ZNF808: variants seen among roughly 807,000 people sequenced by gnomAD.
The protein encoded by ZNF808 is zinc finger protein 808.
In ZNF808, 5 loss-of-function variants were observed where a neutral mutation model predicts 8.7. That is an observed-to-expected ratio of 0.58 (90% CI 0.30 to 1.21). ZNF808 has a LOEUF of 1.21. ZNF808 is among the 50% of genes most tolerant of loss of function. ZNF808 has a pLI of 0.07. For missense variants in ZNF808, 1,103 were observed against 1,098.4 expected, an observed-to-expected ratio of 1.00 and a Z score of -0.06; for synonymous variants, 380 against 366.0, an observed-to-expected ratio of 1.04 and a Z score of -0.44.
chr19:52,548,120 T>G (rs1275277433), intron 4 of ZNF808, among the ~76,000 whole-genome samples: 3 of 152,176 alleles, frequency 2.0e-5, no homozygotes, highest in African/African-American at 7.2e-5. Flanking sequence ...AATGATCATC[T>G]TCTCTAAGCA....
downstream of ZNF808, among the ~76,000 whole-genome samples, chr19:52,565,823 A>G (rs1242215040): frequency 6.6e-6 from 1 of 152,134 alleles, no homozygotes; most frequent in African/African-American, 2.4e-5. Flanking sequence ...GGTGTATCTT[A>G]TATGTATTGA....
chr19:52,535,524 T>C (rs62117198), intron 2 of ZNF808, among the ~76,000 whole-genome samples: 33,254 of 151,716 alleles, frequency 0.22, 4,137 homozygotes, highest in East Asian at 0.49. Context: ...ATCCCTGCTG[T>C]GTTTAGGCAG....
At chr19:52,541,100 C>A (rs921831281) in intron 2 of ZNF808, among the ~76,000 whole-genome samples, 9 of 151,914 alleles carry the variant, frequency 5.9e-5, no homozygotes, top group African/African-American at 1.9e-4. Flanking sequence ...TACAGGCCCC[C>A]GCCACCACGC....
At chr19:52,559,160 G>C (rs1383613107), downstream of ZNF808, among the ~76,000 whole-genome samples, 1 of 151,952 alleles carries the variant, frequency 6.6e-6, no homozygotes, top group Non-Finnish European at 1.5e-5. Context: ...AGGCCTCTTT[G>C]CAGTTGAGGT....
At chr19:52,559,324 G>T (rs916803333), downstream of ZNF808, among the ~76,000 whole-genome samples, 1 of 152,184 alleles carries the variant, frequency 6.6e-6, no homozygotes, top group South Asian at 2.1e-4. Flanking sequence ...AAGGCATTGA[G>T]ATGTTTATGT....
At chr19:52,535,299 C>G (rs1384744687) in intron 2 of ZNF808, among the ~76,000 whole-genome samples, 1 of 143,648 alleles carries the variant, frequency 7.0e-6, no homozygotes, top group Non-Finnish European at 1.5e-5. Flanking sequence ...CCACTGCACT[C>G]CAGCCTGGGT....
intron 2 of ZNF808, among the ~76,000 whole-genome samples, chr19:52,541,196 C>T (rs565562415): frequency 1.1e-4 from 16 of 150,874 alleles, no homozygotes; most frequent in Admixed American, 7.9e-4. Context: ...GTGATCTGCC[C>T]GCCTCAGCCT....
In ZNF808 at chr19:52,543,320, A is replaced by G; in HGVS notation, c.36A>G (p.Gly12=). The G allele has an allele frequency of 6.2e-7, 1 of 1,613,666 alleles. No individual in the cohort carries two copies. Among genetic ancestry groups the G allele is most frequent in the Non-Finnish European group, 8.5e-7 (1 of 1,179,810 alleles). Residue 12 remains glycine (G), a synonymous_variant, in exon 3 of 5, where the codon GGA becomes GGG. Coordinates refer to ENST00000359798, the MANE Select transcript of ZNF808 (RefSeq NM_001039886.4). Reference sequence around the variant, plus strand: ...AGGAAGCAGCTCAGAAGAGGAAAGGAAAGGAGTCAGGCATGGCTCTTCCTC... The same window carrying G: ...AGGAAGCAGCTCAGAAGAGGAAAGGGAAGGAGTCAGGCATGGCTCTTCCTC... ...LREEAAQKRK[G]KESGMALPQG...
Position 52,554,533 on chromosome 19 carries a change from C to G in ZNF808, c.1617C>G (p.Tyr539Ter). ...GACTTCACACTCTAGAGAAATCTTA[C>G]AAATGTACGGTTTGTAACAAGGTTT... ...HRRLHTLEKS[Y>*]KCTVCNKVFM... The change falls in exon 5 of 5, where the codon TAC (tyrosine) becomes TAG (stop). Residue 539 changes from tyrosine (Y) to a stop codon, truncating the protein, a stop_gained. Transcript: ENST00000359798. LOFTEE classifies it low-confidence loss of function (END_TRUNC). 1.9e-6 allele frequency: 3 copies of G among 1,614,106 alleles called. No homozygotes were observed. Among genetic ancestry groups the G allele is most frequent in the Non-Finnish European group, 8.5e-7 (1 of 1,179,996 alleles).
chr19:52,554,034 G>A lies in ZNF808; in HGVS notation c.1118G>A (p.Cys373Tyr), dbSNP rs1354713062. Residue 373 changes from cysteine to tyrosine, a missense_variant, in exon 5 of 5, where the codon TGT (cysteine) becomes TAT (tyrosine). Cys to Tyr is a radical substitution (Grantham distance 194). Coordinates refer to ENST00000359798, the MANE Select transcript of ZNF808 (RefSeq NM_001039886.4). Reference protein sequence around the residue: ...RLHTGVKPYKCKICEKAFACH... With the variant: ...RLHTGVKPYKYKICEKAFACH... ...CATACTGGAGTGAAACCTTACAAATGTAAGATTTGTGAGAAGGCTTTTGCG... is the reference window on the plus strand; with the variant it reads ...CATACTGGAGTGAAACCTTACAAATATAAGATTTGTGAGAAGGCTTTTGCG... The A allele has an allele frequency of 1.9e-6, 3 of 1,614,100 alleles. No individual in the cohort carries two copies. The highest frequency in any genetic ancestry group is 2.5e-6 in the Non-Finnish European group (3 of 1,180,012).
Position 52,554,052 on chromosome 19 carries a change from C to G in ZNF808, c.1136C>G (p.Ala379Gly). Residue 379 changes from alanine to glycine, a missense_variant, in exon 5 of 5, where the codon GCT (alanine) becomes GGT (glycine). Physicochemically the swap from Ala to Gly is moderately conservative, Grantham distance 60 (BLOSUM62 0). Coordinates refer to ENST00000359798, the MANE Select transcript of ZNF808 (RefSeq NM_001039886.4). The stretch of plus-strand genomic sequence containing the variant: ...TACAAATGTAAGATTTGTGAGAAGG[C>G]TTTTGCGTGTCATTCCTATCTGGCA... ...KPYKCKICEKAFACHSYLANH... is the reference protein window; with the variant it reads ...KPYKCKICEKGFACHSYLANH... The G allele has an allele frequency of 1.2e-6, 2 of 1,614,042 alleles. No individual in the cohort carries two copies. Among genetic ancestry groups the G allele is most frequent in the Non-Finnish European group, 1.7e-6 (2 of 1,179,990 alleles).
intron 3 of ZNF808, among the ~76,000 whole-genome samples, chr19:52,547,197 C>T (rs2059730515): frequency 2.0e-5 from 3 of 152,108 alleles, no homozygotes; most frequent in South Asian, 4.1e-4. Context: ...ATCTGCCCAA[C>T]TTGGCCTCCT....
At chr19:52,565,677 C>G (rs559444518), downstream of ZNF808, among the ~76,000 whole-genome samples, 1 of 152,266 alleles carries the variant, frequency 6.6e-6, no homozygotes, top group Non-Finnish European at 1.5e-5. Context: ...GTGACTATTC[C>G]TCCACCCTCT....
chr19:52,533,855 AAAAAAAAAAAAAG>A (rs2059582275), intron 2 of ZNF808, among the ~76,000 whole-genome samples: 1 of 150,990 alleles, frequency 6.6e-6, no homozygotes, highest in African/African-American at 2.4e-5. Context: ...AAAAAAAAAA[AAAAAAAAAAAAAG>A]GCAAGCAACA....
chr19:52,545,618 A>T (rs1286070137), intron 3 of ZNF808, among the ~76,000 whole-genome samples: 1 of 152,072 alleles, frequency 6.6e-6, no homozygotes, highest in Non-Finnish European at 1.5e-5. Flanking sequence ...TCGCTGCTAA[A>T]TATACAAAAA....
At chr19:52,558,017 CTTTTTTT>C (rs66789100), downstream of ZNF808, among the ~76,000 whole-genome samples, 5 of 46,384 alleles carry the variant, frequency 1.1e-4, no homozygotes, top group Admixed American at 3.2e-4. Flanking sequence ...CTAGGTGTGG[CTTTTTTT>C]TTTTTTTTTT....
chr19:52,562,567 TTA>T (rs1568495421), intron 3 of ZNF808, among the ~76,000 whole-genome samples: 2 of 152,156 alleles, frequency 1.3e-5, no homozygotes, highest in Non-Finnish European at 2.9e-5. Flanking sequence ...ATCATATTTT[TTA>T]TGTTTTTATT....
chr19:52,560,726 C>A (rs2123225223), downstream of ZNF808, among the ~76,000 whole-genome samples: 1 of 152,172 alleles, frequency 6.6e-6, no homozygotes, highest in Non-Finnish European at 1.5e-5. Flanking sequence ...TAAATTAGTT[C>A]CATTTTCCTC....
At chr19:52,540,625 G>T (rs1040587908) in intron 2 of ZNF808, among the ~76,000 whole-genome samples, 2 of 151,828 alleles carry the variant, frequency 1.3e-5, no homozygotes, top group Non-Finnish European at 2.9e-5. Flanking sequence ...ATGGTAATCT[G>T]TGAGCTTCTA....
Sources: allele counts gnomAD v4.1 joint callset (sites outside exome capture counted in the v4.1 genomes callset), GRCh38; gene constraint gnomAD v4.1.1; transcripts MANE v1.5; gene names NCBI Gene and HGNC (gene_info 2026-07-23, HGNC 2026-07-21).